Variants in PALLD observed in about 807,000 individuals in gnomAD.
The protein encoded by PALLD is palladin, cytoskeletal associated protein, also known as palladin.
Under a neutral mutation model 123.5 loss-of-function variants are expected in PALLD, and 61 were observed. That is an observed-to-expected ratio of 0.49 (90% confidence interval 0.40 to 0.61). PALLD has a LOEUF of 0.61. Ranked by LOEUF, PALLD falls within the 20% of genes least tolerant of loss-of-function variation. PALLD has a pLI of 0.00. For synonymous variants in PALLD, 465 were observed against 496.4 expected, an observed-to-expected ratio of 0.94 and a Z score of 0.84; for missense variants, 1,273 against 1,377.0, an observed-to-expected ratio of 0.92 and a Z score of 1.20.
At chr4:168,773,790 C>T (rs556483020) in intron 10 of PALLD, among the ~76,000 whole-genome samples, 2 of 152,264 alleles carry the variant, frequency 1.3e-5, no homozygotes, top group South Asian at 2.1e-4. Context: ...CCACCCACCT[C>T]GCCGCCTGTT....
At chr4:168,669,702 G>A (rs1779989701) in intron 3 of PALLD, among the ~76,000 whole-genome samples, 1 of 152,134 alleles carries the variant, frequency 6.6e-6, no homozygotes, top group Non-Finnish European at 1.5e-5. Flanking sequence ...ACCTTTGGTA[G>A]AAAACATCTT....
At chr4:168,674,630 A>T (rs1448000728) in intron 3 of PALLD, among the ~76,000 whole-genome samples, 2 of 152,194 alleles carry the variant, frequency 1.3e-5, no homozygotes, top group African/African-American at 2.4e-5. Flanking sequence ...GGAGAAAACC[A>T]CTGGGGTCAG....
In PALLD at chr4:168,690,630, G is replaced by A. The variant is rs751820940; in HGVS notation, c.1363G>A (p.Gly455Ser). The A allele has an allele frequency of 6.2e-7, 1 of 1,614,200 alleles. No individual in the cohort carries two copies. Among genetic ancestry groups the A allele is most frequent in the Non-Finnish European group, 8.5e-7 (1 of 1,180,026 alleles). Residue 455 changes from glycine (G) to serine (S), a missense_variant, in exon 7 of 22, where the codon GGC becomes AGC. Coordinates refer to ENST00000505667, the MANE Select transcript of PALLD (RefSeq NM_001166108.2). The part of the protein sequence containing the change: ...KELQNTAVAE[G>S]QVVVLECRVR... ...ACTGCAAAACACAGCCGTGGCGGAA[G>A]GCCAGGTGGTGGTTCTGGAGTGCCG...
At chr4:168,780,275 G>C (rs560594458) in intron 10 of PALLD, among the ~76,000 whole-genome samples, 3 of 152,118 alleles carry the variant, frequency 2.0e-5, no homozygotes, top group Non-Finnish European at 2.9e-5. Context: ...TTTTCCCTTA[G>C]GCAGGGCATG....
chr4:168,525,425 A>T (rs1427169353), intron 2 of PALLD, among the ~76,000 whole-genome samples: 2 of 152,210 alleles, frequency 1.3e-5, no homozygotes, highest in Non-Finnish European at 2.9e-5. Flanking sequence ...AGTAAAATTC[A>T]TCAGGGGGCC....
intron 17 of PALLD, among the ~76,000 whole-genome samples, chr4:168,920,389 C>G (rs1761210105): frequency 6.6e-6 from 1 of 152,152 alleles, no homozygotes; most frequent in Admixed American, 6.5e-5. Context: ...TATCACGTAG[C>G]AGGAATGGAA....
intron 3 of PALLD, chr4:168,677,857 C>G (rs945571548): frequency 6.6e-6 from 1 of 152,432 alleles, no homozygotes; most frequent in Non-Finnish European, 1.5e-5. Context: ...CCAGCCCCCA[C>G]TCTCGGTGCC....
chr4:168,897,821 GT>G (rs201970702), intron 13 of PALLD, among the ~76,000 whole-genome samples: 2,652 of 142,812 alleles, frequency 0.019, 57 homozygotes, highest in African/African-American at 0.046. Flanking sequence ...TTGATGGGTT[GT>G]TTTTTTTTTT....
At chr4:168,594,528 T>C (rs2149701208) in intron 2 of PALLD, among the ~76,000 whole-genome samples, 1 of 152,262 alleles carries the variant, frequency 6.6e-6, no homozygotes, top group East Asian at 1.9e-4. Context: ...TGTATAGAGC[T>C]TAATGAAACC....
chr4:168,519,264 G>A (rs985774417), intron 2 of PALLD, among the ~76,000 whole-genome samples: 1 of 152,158 alleles, frequency 6.6e-6, no homozygotes, highest in Non-Finnish European at 1.5e-5. Context: ...GTGGGTAGTA[G>A]AGACACAGAT....
chr4:168,859,559 G>A (rs1749128384), intron 10 of PALLD, among the ~76,000 whole-genome samples: 1 of 152,170 alleles, frequency 6.6e-6, no homozygotes, highest in African/African-American at 2.4e-5. Flanking sequence ...TAAAAAATTG[G>A]AGGACAACTT....
At chr4:168,610,110 T>A (rs1049832275) in intron 2 of PALLD, among the ~76,000 whole-genome samples, 1 of 152,236 alleles carries the variant, frequency 6.6e-6, no homozygotes, top group Admixed American at 6.5e-5. Flanking sequence ...TTCATGTCTA[T>A]CTTCCCTCAA....
chr4:168,658,538 T>G (rs569418827), intron 2 of PALLD, among the ~76,000 whole-genome samples: 11 of 152,254 alleles, frequency 7.2e-5, no homozygotes, highest in African/African-American at 2.4e-4. Flanking sequence ...CCTTCCACCT[T>G]GGCCTCCTAA....
chr4:168,562,941 G>A (rs1172803098), intron 2 of PALLD, among the ~76,000 whole-genome samples: 1 of 152,220 alleles, frequency 6.6e-6, no homozygotes, highest in East Asian at 1.9e-4. Flanking sequence ...TGAAAGGCAA[G>A]AGATGAGTGA....
At chr4:168,812,796 A>G (rs1050413660) in intron 10 of PALLD, among the ~76,000 whole-genome samples, 3 of 152,172 alleles carry the variant, frequency 2.0e-5, no homozygotes, top group African/African-American at 7.2e-5. Context: ...TGAAGAGTGT[A>G]TGTGTGTCTC....
intron 10 of PALLD, among the ~76,000 whole-genome samples, chr4:168,826,294 T>A (rs1743410755): frequency 1.3e-5 from 2 of 152,220 alleles, no homozygotes; most frequent in Non-Finnish European, 2.9e-5. Context: ...AACTTGGCAA[T>A]AATCAATTGC....
At chr4:168,529,795 A>G (rs1311370847) in intron 2 of PALLD, among the ~76,000 whole-genome samples, 1 of 152,224 alleles carries the variant, frequency 6.6e-6, no homozygotes, top group Non-Finnish European at 1.5e-5. Flanking sequence ...TTTTAAAAAT[A>G]AAACCAGGCT....
chr4:168,610,630 T>C (rs1773637178), intron 2 of PALLD, among the ~76,000 whole-genome samples: 1 of 152,152 alleles, frequency 6.6e-6, no homozygotes, highest in African/African-American at 2.4e-5. Context: ...AGAAATAAAC[T>C]CGTGCTCCCA....
intron 10 of PALLD, among the ~76,000 whole-genome samples, chr4:168,823,029 C>T (rs752569793): frequency 2.0e-5 from 3 of 151,698 alleles, no homozygotes; most frequent in Non-Finnish European, 4.4e-5. Context: ...TTTGTGGGTC[C>T]GTTTCTCCAT....
Sources: allele counts gnomAD v4.1 joint callset (sites outside exome capture counted in the v4.1 genomes callset), GRCh38; gene constraint gnomAD v4.1.1; transcripts MANE v1.5; gene names NCBI Gene and HGNC (gene_info 2026-07-23, HGNC 2026-07-21).